PLCB4: variants seen among roughly 807,000 people sequenced by gnomAD.
PLCB4 encodes the protein phospholipase C beta 4, also known as 1-phosphatidylinositol 4,5-bisphosphate phosphodiesterase beta-4.
In PLCB4, 77 loss-of-function variants were observed where a neutral mutation model predicts 178.8. That is an observed-to-expected ratio of 0.43 (90% CI 0.36 to 0.52). The LOEUF (loss-of-function observed/expected upper bound fraction) is 0.52. PLCB4 is among the 20% of genes least tolerant of loss of function. The pLI is 0.00. For missense variants in PLCB4, 1,024 were observed against 1,453.4 expected (o/e 0.70, Z 4.80); for synonymous variants, 496 against 490.8 (o/e 1.01, Z -0.14).
intron 2 of PLCB4, among the ~76,000 whole-genome samples, chr20:9,169,065 A>C (rs1020538091): frequency 8.6e-5 from 13 of 152,038 alleles, no homozygotes; most frequent in African/African-American, 3.1e-4. Context: ...AGCCTTTTAA[A>C]TGCATTGAGT....
chr20:9,415,628 T>G (rs903986871), intron 25 of PLCB4, among the ~76,000 whole-genome samples: 1 of 152,244 alleles, frequency 6.6e-6, no homozygotes, highest in Non-Finnish European at 1.5e-5. Flanking sequence ...TTTGGCCTTG[T>G]GCCTGTGCCT....
intron 2 of PLCB4, among the ~76,000 whole-genome samples, chr20:9,207,779 C>G (rs1342935136): frequency 6.6e-6 from 1 of 152,100 alleles, no homozygotes; most frequent in Non-Finnish European, 1.5e-5. Flanking sequence ...CATAATCTCT[C>G]AATTTCAAAA....
At chr20:9,449,189 C>T (rs976650) in intron 32 of PLCB4, among the ~76,000 whole-genome samples, 33,131 of 151,940 alleles carry the variant, frequency 0.22, 4,103 homozygotes, top group East Asian at 0.36. Flanking sequence ...CAATAATCCT[C>T]CCCCAGCACA....
At chr20:9,395,717 A>G in intron 19 of PLCB4, 99 bp downstream of exon 19, 1 of 818,800 alleles carries the variant, frequency 1.2e-6, no homozygotes, top group Non-Finnish European at 1.9e-6. Context: ...TAATCCCAGC[A>G]CTTGGGGAGG....
chr20:9,458,896 T>A (rs1228779606), intron 34 of PLCB4, among the ~76,000 whole-genome samples: 2 of 152,160 alleles, frequency 1.3e-5, no homozygotes, highest in East Asian at 3.9e-4. Flanking sequence ...TACCCTAGTG[T>A]CTATCAGGGT....
At chr20:9,178,970 A>G (rs1490968620) in intron 2 of PLCB4, among the ~76,000 whole-genome samples, 1 of 152,226 alleles carries the variant, frequency 6.6e-6, no homozygotes, top group Non-Finnish European at 1.5e-5. Context: ...TATTATGTTT[A>G]AATTGTCAAC....
intron 25 of PLCB4, among the ~76,000 whole-genome samples, chr20:9,412,088 C>G (rs1415071872): frequency 1.3e-5 from 2 of 152,216 alleles, no homozygotes; most frequent in Admixed American, 1.3e-4. Context: ...ACTTACATAC[C>G]TGGAGCATGC....
intron 3 of PLCB4, among the ~76,000 whole-genome samples, chr20:9,294,266 C>T (rs2094609456): frequency 6.6e-6 from 1 of 152,098 alleles, no homozygotes; most frequent in African/African-American, 2.4e-5. Flanking sequence ...GTCTGCACTG[C>T]AGATTAAAGG....
At chr20:9,313,753 C>T (rs752312397) in intron 4 of PLCB4, among the ~76,000 whole-genome samples, 38 of 152,172 alleles carry the variant, frequency 2.5e-4, no homozygotes, top group Non-Finnish European at 4.0e-4. Flanking sequence ...ATAGTTTGGA[C>T]GGCAGCTGTA....
intron 25 of PLCB4, among the ~76,000 whole-genome samples, chr20:9,417,898 G>A (rs184613641): frequency 6.6e-6 from 1 of 152,176 alleles, no homozygotes; most frequent in East Asian, 1.9e-4. Context: ...AGTCATCCTA[G>A]TGTATACATA....
intron 2 of PLCB4, among the ~76,000 whole-genome samples, chr20:9,206,021 A>T (rs896398205): frequency 2.0e-5 from 3 of 152,194 alleles, no homozygotes; most frequent in African/African-American, 7.2e-5. Context: ...GCTGAAAATT[A>T]CATATGTAAT....
chr20:9,296,793 G>A (rs1242138620), intron 3 of PLCB4, among the ~76,000 whole-genome samples: 1 of 152,002 alleles, frequency 6.6e-6, no homozygotes, highest in African/African-American at 2.4e-5. Context: ...TCACTTATAG[G>A]TGGGAATTGA....
intron 15 of PLCB4, among the ~76,000 whole-genome samples, chr20:9,387,901 A>G (rs889412020): frequency 1.3e-5 from 2 of 152,258 alleles, no homozygotes; most frequent in Non-Finnish European, 2.9e-5. Context: ...GCATAAAAAG[A>G]TAAATAGAAT....
chr20:9,181,073 T>C (rs2147089627), intron 2 of PLCB4, among the ~76,000 whole-genome samples: 1 of 152,284 alleles, frequency 6.6e-6, no homozygotes, highest in Middle Eastern at 3.4e-3. Context: ...TAACCAAGCT[T>C]TGAATAGCTG....
chr20:9,192,653 A>C (rs1453637954), intron 2 of PLCB4, among the ~76,000 whole-genome samples: 1 of 151,270 alleles, frequency 6.6e-6, no homozygotes, highest in African/African-American at 2.4e-5. Context: ...CTCTACAAAA[A>C]CAAACAAAAA....
At chr20:9,077,891 C>G (rs2089946035) in intron 1 of PLCB4, among the ~76,000 whole-genome samples, 1 of 152,190 alleles carries the variant, frequency 6.6e-6, no homozygotes, top group African/African-American at 2.4e-5. Flanking sequence ...TTGCTTTTTA[C>G]TTAAAGAATG....
chr20:9,318,285 G>A (rs532390459), intron 4 of PLCB4, among the ~76,000 whole-genome samples: 24 of 151,534 alleles, frequency 1.6e-4, no homozygotes, highest in East Asian at 5.8e-4. Flanking sequence ...GGCAGTTTGA[G>A]GGAAGAGGAG....
At chr20:9,133,421 C>G (rs1388701050) in intron 2 of PLCB4, among the ~76,000 whole-genome samples, 1 of 144,894 alleles carries the variant, frequency 6.9e-6, no homozygotes, top group Non-Finnish European at 1.5e-5. Flanking sequence ...GTGCACACCA[C>G]CATGCCCAAC....
intron 2 of PLCB4, among the ~76,000 whole-genome samples, chr20:9,197,704 G>A (rs1010737453): frequency 3.9e-5 from 6 of 152,238 alleles, no homozygotes; most frequent in Admixed American, 6.5e-5. Flanking sequence ...GGCCGGGCGC[G>A]GTGGCGCATG....
Sources: gnomAD v4.1 joint callset for allele counts (sites outside exome capture counted in the v4.1 genomes callset) on GRCh38, gnomAD v4.1.1 for gene constraint, MANE v1.5 for transcripts, NCBI Gene and HGNC (gene_info 2026-07-23, HGNC 2026-07-21) for gene names.